The following PKN3 variants were observed in gnomAD, a reference collection of about 807,000 sequenced individuals.
The protein encoded by PKN3 is serine/threonine-protein kinase N3.
PKN3 carries 91 observed loss-of-function variants against 113.1 expected under a neutral mutation model. The ratio of observed to expected loss-of-function variants is 0.80; its 90% CI spans 0.68 to 0.96. PKN3 has a LOEUF of 0.96. Among genes scored for constraint, PKN3 ranks in the 40% least tolerant of loss-of-function variants. PKN3 has a pLI of 0.00. For synonymous variants in PKN3, 467 were observed against 499.0 expected (o/e 0.94, Z 0.85); for missense variants, 1,052 against 1,202.2 (o/e 0.88, Z 1.85).
Position 128,715,238 on chromosome 9 carries a change from A to G in PKN3, c.1716+3A>G. On this transcript the variant is annotated splice_donor_region_variant and intron_variant, in intron 14 of 21. Coordinates refer to ENST00000291906, the MANE Select transcript of PKN3 (RefSeq NM_013355.5). This position sits in a 1 kb window ranked among gnomAD's most constrained non-coding sequence, Gnocchi z 4.1. ...TGGGCCGGGGACACTTTGGGAAGGT[A>G]GTGGGCTGAAGAGGGTGGTATGGGA... The G allele has an allele frequency of 6.2e-7, 1 of 1,613,934 alleles. No homozygotes were observed. The highest frequency in any genetic ancestry group is 8.5e-7 in the Non-Finnish European group (1 of 1,179,896).
rs143671408 is a variant in PKN3 at position 128,706,379 on chromosome 9, G to A, written c.412-334G>A. ...GAAGCATCAACCCTGCTCTGATGGG[G>A]GAGGCATGACCACAGCCCTGATCTG... On this transcript the variant is annotated intron_variant, in intron 3 of 21. Coordinates refer to ENST00000291906, the MANE Select transcript of PKN3 (RefSeq NM_013355.5). 3.2e-4 allele frequency among the ~76,000 whole-genome samples: 47 copies of A among 149,072 alleles called. No homozygotes were observed. In the East Asian group the frequency reaches 9.1e-3, roughly 29 times the overall value.
At chr9:128,712,167 C>T (rs911769899) in intron 6 of PKN3, among the ~76,000 whole-genome samples, 4 of 152,146 alleles carry the variant, frequency 2.6e-5, no homozygotes, top group Admixed American at 2.0e-4. Context: ...GCCTTGGTCT[C>T]CCAAAGTGTT....
rs748848397 is a variant in PKN3, at chr9:128,718,544, C to G, written c.2049-5C>G. On this transcript the variant is annotated splice_polypyrimidine_tract_variant and splice_region_variant and intron_variant, in intron 17 of 21. Transcript: ENST00000291906. ...AGTCCCTTTGATCTGCACCCTTGCC[C>G]TCAGGGACCTGAAGTTGGATAACCT... 1 of 1,613,900 alleles carries G rather than the reference C, an allele frequency of 6.2e-7. No homozygotes were observed. Among genetic ancestry groups the G allele is most frequent in the Non-Finnish European group, 8.5e-7 (1 of 1,179,974 alleles).
intron 6 of PKN3, among the ~76,000 whole-genome samples, chr9:128,708,314 G>T (rs1426744308): frequency 6.6e-5 from 10 of 151,914 alleles, no homozygotes; most frequent in Non-Finnish European, 1.5e-4. Context: ...CCCAGGAGGT[G>T]AGGTTGCAGT....
At position 128,714,275 on chromosome 9, in the gene PKN3, C is replaced by T. The variant is rs1485672035; in HGVS notation, c.1391C>T (p.Pro464Leu). 1 of 1,613,666 alleles carries T rather than the reference C, an allele frequency of 6.2e-7. No homozygotes were observed. The highest frequency in any genetic ancestry group is 2.2e-5 in the East Asian group (1 of 44,864). ...CGCCTCGTCATGAACCTGCTGCCCC[C>T]CTGCAGCTCCCCGAGCACAATCAGC... The part of the protein sequence containing the change: ...WGRLVMNLLP[P>L]CSSPSTISPP... The change falls in exon 11 of 22, where the codon CCC (proline) becomes CTC (leucine). Residue 464 changes from proline (P) to leucine (L), a missense_variant. This residue lies in a region of PKN3 where 719 missense variants were observed against 759.4 expected (regional missense o/e 0.95). Transcript: ENST00000291906.
In PKN3 at chr9:128,715,265, G is replaced by A. The variant is rs7854055; in HGVS notation, c.1716+30G>A. The A allele has an allele frequency of 0.97, 1,566,710 of 1,613,024 alleles. 766,371 individuals are homozygous for A. The highest frequency in any genetic ancestry group is 1 in the Non-Finnish European group (1,176,644 of 1,179,224). On this transcript the variant is annotated intron_variant, in intron 14 of 21. Coordinates refer to ENST00000291906, the MANE Select transcript of PKN3 (RefSeq NM_013355.5). This position sits in a 1 kb window ranked among gnomAD's most constrained non-coding sequence, Gnocchi z 4.1. ...TGGGCTGAAGAGGGTGGTATGGGAC[G>A]GGATTGGGGGCCTCATCACATGAGC...
rs767504978 is a variant in PKN3 at position 128,706,929 on chromosome 9, G to A, written c.557G>A (p.Arg186Gln). Residue 186 changes from arginine to glutamine, a missense_variant, in exon 5 of 22, where the codon CGA becomes CAA. Arg to Gln is a conservative substitution (Grantham distance 43, BLOSUM62 1). Transcript: ENST00000291906. Reference sequence around the variant, plus strand: ...CTGCTGGCGGAGGAGCTACAGCATCGACTGCACGTTGAGGCAGCTGTGGCT... The same window carrying A: ...CTGCTGGCGGAGGAGCTACAGCATCAACTGCACGTTGAGGCAGCTGTGGCT... The part of the protein sequence containing the change: ...PELLAEELQH[R>Q]LHVEAAVAEG... The A allele has an allele frequency of 5.0e-6, 8 of 1,614,166 alleles. No individual in the cohort carries two copies. Among genetic ancestry groups the A allele is most frequent in the East Asian group, 2.2e-5 (1 of 44,880 alleles).
At position 128,702,713 on chromosome 9, in the gene PKN3, C is replaced by T; in HGVS notation, c.-203C>T. 2 of 484,130 alleles carry T rather than the reference C, an allele frequency of 4.1e-6. No homozygotes were observed. The highest frequency in any genetic ancestry group is 3.2e-5 in the South Asian group (1 of 31,388). 30.0% of individuals were successfully genotyped at this position (484,130 alleles called of 1,614,324 possible). ...AGGCGCTGGGGCGCGGGACCTCGGG[C>T]GTGGGGTCCCGGGCGCTGGATCGGC... On this transcript the variant is annotated 5_prime_UTR_variant, in exon 1 of 22. Coordinates refer to ENST00000291906, the MANE Select transcript of PKN3 (RefSeq NM_013355.5).
intron 6 of PKN3, chr9:128,709,865 G>A: frequency 6.7e-6 from 1 of 148,432 alleles, no homozygotes; most frequent in Non-Finnish European, 1.5e-5. Flanking sequence ...GGCGGAGCTT[G>A]CAGTGAGCTG....
At chr9:128,714,018 G>T in intron 9 of PKN3, 28 bp from the exon 10 acceptor site, 3 of 1,612,840 alleles carry the variant, frequency 1.9e-6, no homozygotes, top group Non-Finnish European at 2.5e-6. Flanking sequence ...GAGGCGACTG[G>T]TCCACAACCC....
rs769138655 is a variant in PKN3, at chr9:128,713,284, T to C, written c.989T>C (p.Val330Ala). 1.9e-6 allele frequency: 3 copies of C among 1,613,866 alleles called. No individual in the cohort carries two copies. The highest frequency in any genetic ancestry group is 1.3e-5 in the African/African-American group (1 of 75,042). ...QRGRGELASE[V>A]LAVLKVDNRV... The stretch of plus-strand genomic sequence containing the variant: ...CCCGGCTCTGGCCCTGCAGGCGAGG[T>C]GCTGGCTGTGCTAAAGGTGGACAAC... Residue 330 changes from valine to alanine, a missense_variant, in exon 8 of 22, where the codon GTG (valine) becomes GCG (alanine). Physicochemically the swap from Val to Ala is moderately conservative, Grantham distance 64 (BLOSUM62 0). Transcript: ENST00000291906.
chr9:128,706,746 C>T lies in PKN3; in HGVS notation c.445C>T (p.Leu149=), dbSNP rs1589477329. ...RKLLAAAQQM[L]RDSQLKVALL... Reference sequence around the variant, plus strand: ...GCTCCTGGCAGCTGCCCAGCAGATGCTGCGGGACAGCCAGCTGAAGGTGGC... The same window carrying T: ...GCTCCTGGCAGCTGCCCAGCAGATGTTGCGGGACAGCCAGCTGAAGGTGGC... Residue 149 remains leucine (L), a synonymous_variant, in exon 4 of 22, where the codon CTG becomes TTG. Transcript: ENST00000291906. 1 of 1,602,838 alleles carries T rather than the reference C, an allele frequency of 6.2e-7. No homozygotes were observed. Among genetic ancestry groups the T allele is most frequent in the Non-Finnish European group, 8.5e-7 (1 of 1,174,798 alleles).
At position 128,720,107 on chromosome 9, in the gene PKN3, T is replaced by C; in HGVS notation, c.2376+90T>C. 2 of 1,535,334 alleles carry C rather than the reference T, an allele frequency of 1.3e-6. No individual in the cohort carries two copies. The highest frequency in any genetic ancestry group is 2.3e-5 in the East Asian group (1 of 44,332). Reference sequence around the variant, plus strand: ...GGGACAGCAGACCCCCTGCCACCCATCCTTAGAGCGCTCTGGGCCAGCGTG... The same window carrying C: ...GGGACAGCAGACCCCCTGCCACCCACCCTTAGAGCGCTCTGGGCCAGCGTG... On this transcript the variant is annotated intron_variant, in intron 20 of 21. Coordinates refer to ENST00000291906, the MANE Select transcript of PKN3 (RefSeq NM_013355.5). The surrounding 1 kb of genome is among the most constrained non-coding windows in gnomAD (Gnocchi z 5.5).
Position 128,714,639 on chromosome 9 carries a change from A to G in PKN3, c.1559A>G (p.Gln520Arg). 2.1e-6 allele frequency: 3 copies of G among 1,415,568 alleles called. No homozygotes were observed. The highest frequency in any genetic ancestry group is 3.0e-6 in the Non-Finnish European group (3 of 999,418). The allele number at this position is 1,415,568 out of a possible 1,614,324, so 87.7% of individuals were successfully genotyped here. Residue 520 changes from glutamine (Q) to arginine (R), a missense_variant, in exon 12 of 22, where the codon CAG (glutamine) becomes CGG (arginine). Physicochemically the swap from Gln to Arg is conservative, Grantham distance 43. This residue lies in a region of PKN3 where 719 missense variants were observed against 759.4 expected (regional missense o/e 0.95). Transcript: ENST00000291906. ...AAGCCCCCACGCCTCTACCTCCCCCAGGAGCCAACATCCGAGGAGACTCCG... is the reference window on the plus strand; with the variant it reads ...AAGCCCCCACGCCTCTACCTCCCCCGGGAGCCAACATCCGAGGAGACTCCG... ...PPKPPRLYLP[Q>R]EPTSEETPRT...
In PKN3 at chr9:128,711,225, C is replaced by T. The variant is rs560000592; in HGVS notation, c.836-1827C>T. ...TTCTCCATGTTGGTCAGGCTGGTCTCGAACTTCCGACCTCAGGTGATTTGC... is the reference window on the plus strand; with the variant it reads ...TTCTCCATGTTGGTCAGGCTGGTCTTGAACTTCCGACCTCAGGTGATTTGC... On this transcript the variant is annotated intron_variant, in intron 6 of 21. Transcript: ENST00000291906. Among the ~76,000 whole-genome samples, 3 of 152,108 alleles carry T rather than the reference C, an allele frequency of 2.0e-5. No homozygotes were observed. The South Asian group carries it at 6.2e-4, about 32-fold the overall frequency.
chr9:128,705,996 A>G, intron 3 of PKN3, 117 bp downstream of exon 3: 3 of 1,075,452 alleles, frequency 2.8e-6, no homozygotes, highest in Non-Finnish European at 4.0e-6. Context: ...TGATGGGGAA[A>G]ATACAGCCCC....
At chr9:128,703,059 G>A in intron 1 of PKN3, 120 bp downstream of exon 1, 1 of 705,366 alleles carries the variant, frequency 1.4e-6, no homozygotes, top group South Asian at 2.3e-5. Flanking sequence ...CCCCTTCCCT[G>A]CCCCTGCCCT....
intron 15 of PKN3, among the ~76,000 whole-genome samples, chr9:128,716,511 T>A (rs1368985733): frequency 6.7e-6 from 1 of 149,692 alleles, no homozygotes; most frequent in East Asian, 2.0e-4. Context: ...GGCACAAAAA[T>A]CTCTTGAACC....
At position 128,715,530 on chromosome 9, in the gene PKN3, G is replaced by T. The variant is rs1340839114; in HGVS notation, c.1808+70G>T. 2.5e-6 allele frequency: 3 copies of T among 1,218,934 alleles called. No individual in the cohort carries two copies. 75.5% of individuals were successfully genotyped at this position (1,218,934 alleles called of 1,614,324 possible). A position where few individuals can be genotyped will look rare whatever the true frequency, so the allele number is the denominator to read the frequency against. On this transcript the variant is annotated intron_variant, in intron 15 of 21. Transcript: ENST00000291906. The surrounding 1 kb of genome is among the most constrained non-coding windows in gnomAD (Gnocchi z 4.1). The stretch of plus-strand genomic sequence containing the variant: ...TGTGGCATCCAGAGGGCAGTTGAAG[G>T]TTCCTGGGGCTTTGGAGAGGTGACC...
Sources: allele counts gnomAD v4.1 joint callset (sites outside exome capture counted in the v4.1 genomes callset), GRCh38; gene constraint gnomAD v4.1.1; regional missense constraint gnomAD v4.1.1; non-coding constraint Gnocchi (gnomAD v3.1); transcripts MANE v1.5; gene names NCBI Gene and HGNC (gene_info 2026-07-23, HGNC 2026-07-21).